SENP6: variants seen among roughly 807,000 people sequenced by gnomAD.
SENP6 encodes SUMO specific peptidase 6, also known as sentrin-specific protease 6.
Under a neutral mutation model 134.5 loss-of-function variants are expected in SENP6, and 41 were observed. The observed-to-expected ratio is 0.30, with a 90% CI of 0.24 to 0.40. The LOEUF (loss-of-function observed/expected upper bound fraction) is 0.40, where lower values mean the gene tolerates loss of function less well. Among genes scored for constraint, SENP6 ranks in the 10% least tolerant of loss-of-function variants. SENP6 has a pLI of 1.00. For missense variants in SENP6, 1,248 were observed against 1,312.5 expected (o/e 0.95, Z 0.76); for synonymous variants, 395 against 429.8 (o/e 0.92, Z 1.00).
intron 7 of SENP6, among the ~76,000 whole-genome samples, chr6:75,652,683 CAAAAAAAAAA>C (rs71002754): frequency 4.0e-5 from 3 of 75,856 alleles, no homozygotes; most frequent in Non-Finnish European, 6.9e-5. Flanking sequence ...CTAAAAATCT[CAAAAAAAAAA>C]AAAAAAAAAA....
chr6:75,618,032 A>G (rs890823620), intron 1 of SENP6, among the ~76,000 whole-genome samples: 28 of 152,348 alleles, frequency 1.8e-4, no homozygotes, highest in African/African-American at 6.0e-4. Flanking sequence ...TGAATAAGAC[A>G]TATCACTATG....
At position 75,693,421 on chromosome 6, in the gene SENP6, A is replaced by C. The variant is rs1198465298; in HGVS notation, c.2076-2383A>C. ...TCAGTCTGAAATTTAAAAAAAAAAA[A>C]AAAAAAAACACCAAAGTAGCCATTA... On this transcript the variant is annotated intron_variant, in intron 16 of 23. Transcript: ENST00000447266. Among the ~76,000 whole-genome samples, 4 of 151,568 alleles carry C rather than the reference A, an allele frequency of 2.6e-5. No homozygotes were observed. In the East Asian group the frequency reaches 5.8e-4, roughly 22 times the overall value.
At chr6:75,708,685 A>G (rs1775566857) in intron 19 of SENP6, among the ~76,000 whole-genome samples, 1 of 152,160 alleles carries the variant, frequency 6.6e-6, no homozygotes, top group Non-Finnish European at 1.5e-5. Flanking sequence ...ACTTGAGGAC[A>G]GGAGTTCAAG....
chr6:75,654,015 G>A (rs1398992710), intron 7 of SENP6, among the ~76,000 whole-genome samples: 1 of 152,114 alleles, frequency 6.6e-6, no homozygotes, highest in African/African-American at 2.4e-5. Context: ...CTTGAGCCCA[G>A]GCATTCAAGA....
At chr6:75,708,155 G>A (rs1412049862) in intron 19 of SENP6, among the ~76,000 whole-genome samples, 5 of 152,238 alleles carry the variant, frequency 3.3e-5, no homozygotes, top group African/African-American at 1.2e-4. Context: ...TGTTGCCTGG[G>A]TTCAAGCAAT....
At chr6:75,692,599 C>T (rs749032426) in intron 16 of SENP6, among the ~76,000 whole-genome samples, 2 of 152,034 alleles carry the variant, frequency 1.3e-5, no homozygotes, top group Non-Finnish European at 2.9e-5. Flanking sequence ...GCACTCCAGC[C>T]TGGGCGAGAG....
At chr6:75,691,673 C>T (rs1019812649) in intron 16 of SENP6, among the ~76,000 whole-genome samples, 2 of 151,692 alleles carry the variant, frequency 1.3e-5, no homozygotes, top group Non-Finnish European at 2.9e-5. Flanking sequence ...GATCTCAGCT[C>T]ACTGCAAGCT....
chr6:75,641,066 C>T (rs1769990442), intron 6 of SENP6, among the ~76,000 whole-genome samples: 1 of 152,212 alleles, frequency 6.6e-6, no homozygotes, highest in Middle Eastern at 3.4e-3. Flanking sequence ...CTCATTCTTC[C>T]TGTCTAGCTG....
At chr6:75,704,075 G>C (rs1301880294) in intron 19 of SENP6, among the ~76,000 whole-genome samples, 1 of 152,118 alleles carries the variant, frequency 6.6e-6, no homozygotes, top group African/African-American at 2.4e-5. Flanking sequence ...GTTGTGAACA[G>C]TCCTGAAGGG....
At chr6:75,609,435 C>A (rs753229233) in intron 1 of SENP6, among the ~76,000 whole-genome samples, 1 of 152,192 alleles carries the variant, frequency 6.6e-6, no homozygotes, top group Non-Finnish European at 1.5e-5. Flanking sequence ...ATTGTATTGG[C>A]CAAAAGAATA....
Position 75,666,839 on chromosome 6 carries a change from A to G in SENP6, c.1122A>G (p.Leu374=). The G allele has an allele frequency of 6.2e-7, 1 of 1,613,834 alleles. No individual in the cohort carries two copies. Among genetic ancestry groups the G allele is most frequent in the Non-Finnish European group, 8.5e-7 (1 of 1,179,726 alleles). The change falls in exon 10 of 24, where the codon CTA becomes CTG. Residue 374 remains leucine (L), a synonymous_variant. Transcript: ENST00000447266. The part of the protein sequence containing the change: ...APSTGKVEAA[L]NENTCRAERE... Reference sequence around the variant, plus strand: ...CCACTGGAAAAGTAGAAGCAGCGCTAAATGAAAATACTTGCAGAGCAGAGC... The same window carrying G: ...CCACTGGAAAAGTAGAAGCAGCGCTGAATGAAAATACTTGCAGAGCAGAGC...
intron 8 of SENP6, among the ~76,000 whole-genome samples, chr6:75,662,592 A>T (rs1028840079): frequency 1.3e-5 from 2 of 152,010 alleles, no homozygotes; most frequent in African/African-American, 2.4e-5. Flanking sequence ...TATCATGAAA[A>T]TTTTTTTTAT....
At chr6:75,666,115 A>G (rs1772193576) in intron 9 of SENP6, among the ~76,000 whole-genome samples, 1 of 145,516 alleles carries the variant, frequency 6.9e-6, no homozygotes, top group Non-Finnish European at 1.5e-5. Context: ...AAATGTATAT[A>G]TGATATATAT....
chr6:75,706,253 G>A (rs764108230), intron 19 of SENP6, among the ~76,000 whole-genome samples: 7 of 151,962 alleles, frequency 4.6e-5, no homozygotes, highest in African/African-American at 9.7e-5. Flanking sequence ...TTTTTGAGAT[G>A]ATGAAAAGGT....
In SENP6 at chr6:75,602,291, T is replaced by C. The variant is rs1766679894; in HGVS notation, c.-234T>C. On this transcript the variant is annotated 5_prime_UTR_variant, in exon 1 of 24. It removes the in-frame stop codon of an upstream open reading frame in the 5' UTR. Transcript: ENST00000447266. ...CCGGTCGCGTTCCCCCGGAGAGGCC[T>C]GAGAAGCTCGGGCCGCGGGCCTCGC... is the stretch of plus-strand genomic sequence containing the variant. 2.2e-6 allele frequency: 1 copy of C among 452,292 alleles called. No homozygotes were observed. Among genetic ancestry groups the C allele is most frequent in the Non-Finnish European group, 3.9e-6 (1 of 257,538 alleles). 28.0% of individuals were successfully genotyped at this position (452,292 alleles called of 1,614,324 possible). A position where few individuals can be genotyped will look rare whatever the true frequency, so the allele number is the denominator to read the frequency against.
intron 16 of SENP6, among the ~76,000 whole-genome samples, chr6:75,687,771 T>C (rs1246406128): frequency 6.6e-6 from 1 of 152,162 alleles, no homozygotes; most frequent in Non-Finnish European, 1.5e-5. Context: ...CTCTGGAAGC[T>C]TCGTCCCAGA....
intron 3 of SENP6, among the ~76,000 whole-genome samples, chr6:75,624,506 C>G (rs150813293): frequency 1.1e-4 from 17 of 152,106 alleles, no homozygotes; most frequent in Middle Eastern, 3.4e-3. Flanking sequence ...TACACTTGTT[C>G]CATCGATATC....
intron 19 of SENP6, among the ~76,000 whole-genome samples, chr6:75,703,929 AG>A (rs1375692112): frequency 2.0e-5 from 3 of 152,192 alleles, no homozygotes; most frequent in African/African-American, 7.2e-5. Flanking sequence ...TTTATTTCAT[AG>A]GAAATTTACA....
At chr6:75,676,288 C>A (rs568136934) in intron 13 of SENP6, among the ~76,000 whole-genome samples, 1 of 152,168 alleles carries the variant, frequency 6.6e-6, no homozygotes, top group Non-Finnish European at 1.5e-5. Flanking sequence ...TACAAAGTTT[C>A]TAAGTGGATT....
Sources: allele counts gnomAD v4.1 joint callset (sites outside exome capture counted in the v4.1 genomes callset), GRCh38; gene constraint gnomAD v4.1.1; transcripts MANE v1.5; gene names NCBI Gene and HGNC (gene_info 2026-07-23, HGNC 2026-07-21).